Variants in PRDM12 observed in about 807,000 individuals in gnomAD.
PRDM12 encodes the protein PR domain zinc finger protein 12.
In PRDM12, 17 loss-of-function variants were observed where a neutral mutation model predicts 29.6. The observed-to-expected ratio is 0.57, with a 90% confidence interval of 0.39 to 0.86. PRDM12 has a LOEUF of 0.86. Ranked by LOEUF, PRDM12 falls within the 40% of genes least tolerant of loss-of-function variation. PRDM12 has a pLI of 0.00. For missense variants in PRDM12, 422 were observed against 510.8 expected, an observed-to-expected ratio of 0.83 and a Z score of 1.68; for synonymous variants, 231 against 225.8, an observed-to-expected ratio of 1.02 and a Z score of -0.21.
chr9:130,680,634 A>ATATATAT (rs1554753095), intron 4 of PRDM12, among the ~76,000 whole-genome samples: 31 of 88,474 alleles, frequency 3.5e-4, no homozygotes, highest in South Asian at 1.6e-3. Flanking sequence ...AAAAAAAAAA[A>ATATATAT]ATATATATAT....
chr9:130,680,659 A>ATATATATTTT, intron 4 of PRDM12, among the ~76,000 whole-genome samples: 60 of 72,164 alleles, frequency 8.3e-4, no homozygotes, highest in African/African-American at 4.5e-3. Context: ...ATATATATAT[A>ATATATATTTT]TTTTTTTTTT....
At position 130,668,016 on chromosome 9, in the gene PRDM12, T is replaced by A; in HGVS notation, c.415-142T>A. On this transcript the variant is annotated intron_variant, in intron 2 of 4. Coordinates refer to ENST00000253008, the MANE Select transcript of PRDM12 (RefSeq NM_021619.3). This position sits in a 1 kb window ranked among gnomAD's most constrained non-coding sequence, Gnocchi z 4.0. ...GCAAGTCCCTGCACCTCTCCAGCCT[T>A]CCTTTCTTCAGTGGGAAAATGAAGC... 8.5e-7 allele frequency: 1 copy of A among 1,174,928 alleles called. No individual in the cohort carries two copies. Among genetic ancestry groups the A allele is most frequent in the South Asian group, 1.5e-5 (1 of 66,602 alleles). The allele number at this position is 1,174,928 out of a possible 1,614,324, so 72.8% of individuals were successfully genotyped here.
Position 130,681,605 on chromosome 9 carries a change from TCGCCGC to T in PRDM12, c.1071_1076del (p.Ala358_Ala359del), listed in dbSNP as rs752427775. On this transcript the variant is annotated inframe_deletion, in exon 5 of 5. Coordinates refer to ENST00000253008, the MANE Select transcript of PRDM12 (RefSeq NM_021619.3). The surrounding 1 kb of genome is among the most constrained non-coding windows in gnomAD (Gnocchi z 8.1). Reference sequence around the variant, plus strand: ...GCCCCGCACGCGCACGCGCCCGCGCTCGCCGCCGCCGCCGCCGCCGCCGCCGCCGCC... The same window carrying T: ...GCCCCGCACGCGCACGCGCCCGCGCTCGCCGCCGCCGCCGCCGCCGCCGCC... 1,182 of 955,000 alleles carry T rather than the reference TCGCCGC, an allele frequency of 1.2e-3. No homozygotes were observed. The highest frequency in any genetic ancestry group is 7.9e-3 in the Admixed American group (125 of 15,742). 59.2% of individuals were successfully genotyped at this position (955,000 alleles called of 1,614,324 possible). A position where few individuals can be genotyped will look rare whatever the true frequency, so the allele number is the denominator to read the frequency against.
chr9:130,673,204 AG>A (rs1361060230), intron 3 of PRDM12, among the ~76,000 whole-genome samples: 1 of 145,388 alleles, frequency 6.9e-6, no homozygotes, highest in Non-Finnish European at 1.5e-5. Flanking sequence ...AGTGCTGCCG[AG>A]GGGGCCTAGA....
At position 130,664,726 on chromosome 9, in the gene PRDM12, G is replaced by A. The variant is rs774148627; in HGVS notation, c.73G>A (p.Ala25Thr). Residue 25 changes from alanine to threonine, a missense_variant, in exon 1 of 5, where the codon GCC becomes ACC. Around this residue, in one of 5 missense-constraint regions of PRDM12, gnomAD observed 300 missense variants for 350.0 expected, o/e 0.86. Coordinates refer to ENST00000253008, the MANE Select transcript of PRDM12 (RefSeq NM_021619.3). The surrounding 1 kb of genome is among the most constrained non-coding windows in gnomAD (Gnocchi z 6.4). ...GCTGAAGGCGCCGGGACTGGCGCTG[G>A]CCGAGGTTATCACCTCCGACATCCT... is the stretch of plus-strand genomic sequence containing the variant. ...TGLKAPGLAL[A>T]EVITSDILHS... 16 of 1,610,378 alleles carry A rather than the reference G, an allele frequency of 9.9e-6. No homozygotes were observed. Among genetic ancestry groups the A allele is most frequent in the Non-Finnish European group, 1.4e-5 (16 of 1,179,674 alleles).
At chr9:130,665,654 C>A (rs1466224287) in intron 1 of PRDM12, among the ~76,000 whole-genome samples, 1 of 152,162 alleles carries the variant, frequency 6.6e-6, no homozygotes, top group Non-Finnish European at 1.5e-5. Flanking sequence ...AGCATTCTTC[C>A]AGGGCTAATG....
rs1830904521 is a variant in PRDM12 at position 130,681,616 on chromosome 9, G to GCCT, written c.1053_1054insTCC (p.Ala351_Ala352insSer). ...GCACGCGCCCGCGCTCGCCGCCGCCGCCGCCGCCGCCGCCGCCGCCGCCGC... is the reference window on the plus strand; with the variant it reads ...GCACGCGCCCGCGCTCGCCGCCGCCGCCTCCGCCGCCGCCGCCGCCGCCGCCGC... On this transcript the variant is annotated inframe_insertion, in exon 5 of 5. Coordinates refer to ENST00000253008, the MANE Select transcript of PRDM12 (RefSeq NM_021619.3). The surrounding 1 kb of genome is among the most constrained non-coding windows in gnomAD (Gnocchi z 8.1). The GCCT allele has an allele frequency of 1.1e-6, 1 of 903,672 alleles. No individual in the cohort carries two copies. The highest frequency in any genetic ancestry group is 1.3e-6 in the Non-Finnish European group (1 of 764,936). The allele number at this position is 903,672 out of a possible 1,614,324, so 56.0% of individuals were successfully genotyped here. A position where few individuals can be genotyped will look rare whatever the true frequency, so the allele number is the denominator to read the frequency against.
intron 3 of PRDM12, among the ~76,000 whole-genome samples, chr9:130,675,613 C>T (rs1257626712): frequency 6.6e-6 from 1 of 152,182 alleles, no homozygotes; most frequent in Non-Finnish European, 1.5e-5. Context: ...TTCCATGTCT[C>T]GATTATGCAA....
In PRDM12 at chr9:130,668,499, T is replaced by C. The variant is rs961811023; in HGVS notation, c.570+186T>C. On this transcript the variant is annotated intron_variant, in intron 3 of 4. Transcript: ENST00000253008. The surrounding 1 kb of genome is among the most constrained non-coding windows in gnomAD (Gnocchi z 4.0). ...GTCTCCAGACATCCCGCTGTCCAGG[T>C]GTGTGACCTCCATGGGAAGCTTTCT... is the stretch of plus-strand genomic sequence containing the variant. 2.0e-5 allele frequency among the ~76,000 whole-genome samples: 3 copies of C among 152,202 alleles called. No homozygotes were observed. The highest frequency in any genetic ancestry group is 7.2e-5 in the African/African-American group (3 of 41,440).
chr9:130,670,058 G>C (rs1830774176), intron 3 of PRDM12, among the ~76,000 whole-genome samples: 1 of 152,098 alleles, frequency 6.6e-6, no homozygotes, highest in Non-Finnish European at 1.5e-5. Context: ...TCCCTGGACA[G>C]TGTCCTTTGG....
At chr9:130,674,498 G>GTGTGTT (rs1457534388) in intron 3 of PRDM12, among the ~76,000 whole-genome samples, 11 of 136,616 alleles carry the variant, frequency 8.1e-5, no homozygotes, top group African/African-American at 3.1e-4. Context: ...TAATTTGTGT[G>GTGTGTT]TGTGTGTGTG....
Position 130,673,588 on chromosome 9 carries a change from G to A in PRDM12, c.571-4941G>A, listed in dbSNP as rs1218733820. Among the ~76,000 whole-genome samples, 3 of 151,780 alleles carry A rather than the reference G, an allele frequency of 2.0e-5. No individual in the cohort carries two copies. In the East Asian group the frequency reaches 5.8e-4, roughly 29 times the overall value. ...CTGCAACCTCCACCTCCTGGGTTCA[G>A]GTGATTAAACAATTCTCGTGCCTCA... is the stretch of plus-strand genomic sequence containing the variant. On this transcript the variant is annotated intron_variant, in intron 3 of 4. Coordinates refer to ENST00000253008, the MANE Select transcript of PRDM12 (RefSeq NM_021619.3).
chr9:130,666,842 G>A lies in PRDM12; in HGVS notation c.414+44G>A, dbSNP rs375510324. On this transcript the variant is annotated intron_variant, in intron 2 of 4. Transcript: ENST00000253008. ...AGAGGGGCGCAAGGGCCGGCGAGGG[G>A]CGCTGGTCGCGGGTAGGACTCGGGC... The A allele has an allele frequency of 1.6e-5, 25 of 1,544,640 alleles. No homozygotes were observed. In the African/African-American group the frequency reaches 2.6e-4, roughly 16 times the overall value.
rs139203142 is a variant in PRDM12, at chr9:130,680,318, C to T, written c.683-930C>T. 4.9e-3 allele frequency among the ~76,000 whole-genome samples: 731 copies of T among 150,258 alleles called. 2 individuals carry two copies. Among genetic ancestry groups the T allele is most frequent in the African/African-American group, 0.016 (658 of 40,914 alleles). On this transcript the variant is annotated intron_variant, in intron 4 of 4. Transcript: ENST00000253008. ...CACCACTGCACTCCAGCCTGTGTGA[C>T]AGAGCCAGACCCTGTTTCAAAAAAA...
intron 4 of PRDM12, among the ~76,000 whole-genome samples, chr9:130,680,029 A>G (rs1830879493): frequency 6.6e-6 from 1 of 152,064 alleles, no homozygotes; most frequent in South Asian, 2.1e-4. Flanking sequence ...TCTGCAGCTG[A>G]TGTTTTACAA....
chr9:130,674,737 A>G (rs1371637110), intron 3 of PRDM12, among the ~76,000 whole-genome samples: 1 of 152,036 alleles, frequency 6.6e-6, no homozygotes, highest in Non-Finnish European at 1.5e-5. Flanking sequence ...ATACCATGTT[A>G]TATGTTTATA....
At position 130,681,723 on chromosome 9, in the gene PRDM12, GC is replaced by G; in HGVS notation, c.*58del. 2.0e-6 allele frequency: 2 copies of G among 979,838 alleles called. No individual in the cohort carries two copies. The highest frequency in any genetic ancestry group is 2.4e-6 in the Non-Finnish European group (2 of 826,272). 60.7% of individuals were successfully genotyped at this position (979,838 alleles called of 1,614,324 possible). ...GCGCTCCTGGGTCCCCGGCACCCCG[GC>G]CCCGCAGCGCGACTCGCCCTCCAGC... On this transcript the variant is annotated 3_prime_UTR_variant, in exon 5 of 5. Coordinates refer to ENST00000253008, the MANE Select transcript of PRDM12 (RefSeq NM_021619.3). The surrounding 1 kb of genome is among the most constrained non-coding windows in gnomAD (Gnocchi z 8.1).
chr9:130,674,598 T>G (rs1296573153), intron 3 of PRDM12, among the ~76,000 whole-genome samples: 1 of 151,596 alleles, frequency 6.6e-6, no homozygotes, highest in Non-Finnish European at 1.5e-5. Flanking sequence ...GGCATCATGC[T>G]ACTCTCCATG....
In PRDM12 at chr9:130,681,231, C is replaced by T. The variant is rs541311544; in HGVS notation, c.683-17C>T. On this transcript the variant is annotated splice_polypyrimidine_tract_variant and intron_variant, in intron 4 of 4. Transcript: ENST00000253008. This position sits in a 1 kb window ranked among gnomAD's most constrained non-coding sequence, Gnocchi z 8.1. ...TCTCCGTCTCCCTTCCCCCGCCCCG[C>T]CCCGCCCCGCGGCCAGAGGACTTCC... 2 of 1,449,796 alleles carry T rather than the reference C, an allele frequency of 1.4e-6. No homozygotes were observed. Among genetic ancestry groups the T allele is most frequent in the Non-Finnish European group, 1.8e-6 (2 of 1,098,180 alleles). The allele number at this position is 1,449,796 out of a possible 1,614,324, so 89.8% of individuals were successfully genotyped here.
Sources: allele counts gnomAD v4.1 joint callset (sites outside exome capture counted in the v4.1 genomes callset), GRCh38; gene constraint gnomAD v4.1.1; regional missense constraint gnomAD v4.1.1; non-coding constraint Gnocchi (gnomAD v3.1); transcripts MANE v1.5; gene names NCBI Gene and HGNC (gene_info 2026-07-23, HGNC 2026-07-21).